PREX1: variants seen among roughly 807,000 people sequenced by gnomAD.
The protein encoded by PREX1 is phosphatidylinositol-3,4,5-trisphosphate dependent Rac exchange factor 1.
PREX1 carries 41 observed loss-of-function variants against 198.3 expected under a neutral mutation model. That is an observed-to-expected ratio of 0.21 (90% CI 0.16 to 0.27). PREX1 has a LOEUF of 0.27. PREX1 is among the 10% of genes least tolerant of loss of function. The pLI, the probability that PREX1 is intolerant of heterozygous loss-of-function variation, is 1.00. For synonymous variants in PREX1, 843 were observed against 887.2 expected (o/e 0.95, Z 0.89); for missense variants, 1,620 against 2,200.7 (o/e 0.74, Z 5.28).
intron 1 of PREX1, among the ~76,000 whole-genome samples, chr20:48,775,916 G>C (rs2090259153): frequency 6.6e-6 from 1 of 152,172 alleles, no homozygotes; most frequent in African/African-American, 2.4e-5. Context: ...GACTAATACA[G>C]GCGGTTTTGG....
rs2089475277 is a variant in PREX1 at position 48,649,414 on chromosome 20, A to G, written c.3191T>C (p.Leu1064Pro). 2 of 1,614,032 alleles carry G rather than the reference A, an allele frequency of 1.2e-6. No homozygotes were observed. Among genetic ancestry groups the G allele is most frequent in the Admixed American group, 1.7e-5 (1 of 60,006 alleles). The change falls in exon 25 of 40, where the codon CTC (leucine) becomes CCC (proline). Residue 1064 changes from leucine (L) to proline (P), a missense_variant. Coordinates refer to ENST00000371941, the MANE Select transcript of PREX1 (RefSeq NM_020820.4). ...GTCCTCCTGCTTGAGTAGGAAGCTG[A>G]GGCCCCGGTCTTCCTGACCAAGGGT... is the stretch of plus-strand genomic sequence containing the variant. Reference protein sequence around the residue: ...SGTLGQEDRGLSFLLKQEDRE... With the variant: ...SGTLGQEDRGPSFLLKQEDRE...
the PREX1 span, among the ~76,000 whole-genome samples, chr20:48,874,306 G>T: frequency 9.9e-5 from 15 of 151,960 alleles, no homozygotes; most frequent in African/African-American, 2.9e-4. Flanking sequence ...ACAAGAGGTT[G>T]CACCACAAAA....
At position 48,659,941 on chromosome 20, in the gene PREX1, T is replaced by G. The variant is rs1207787188; in HGVS notation, c.1859A>C (p.Asn620Thr). 1 of 1,614,210 alleles carries G rather than the reference T, an allele frequency of 6.2e-7. No homozygotes were observed. Reference protein sequence around the residue: ...QLRNDFKLVENILAKRLLILP... With the variant: ...QLRNDFKLVETILAKRLLILP... ...TACCAGCAGGCGCTTGGCCAGAATG[T>G]TCTCCACCAGCTTGAAGTCGTTGCG... Residue 620 changes from asparagine to threonine, a missense_variant, in exon 16 of 40, where the codon AAC becomes ACC. Transcript: ENST00000371941.
At chr20:48,670,162 G>A (rs1295766151) in intron 14 of PREX1, among the ~76,000 whole-genome samples, 1 of 152,134 alleles carries the variant, frequency 6.6e-6, no homozygotes, top group Non-Finnish European at 1.5e-5. Context: ...CCATGGAGAG[G>A]GGAAGTGAGG....
Position 48,628,015 on chromosome 20 carries a change from G to T in PREX1, c.4767-52C>A. The T allele has an allele frequency of 2.8e-6, 3 of 1,073,132 alleles. No individual in the cohort carries two copies. In the South Asian group the frequency reaches 4.1e-5, roughly 15 times the overall value. The allele number at this position is 1,073,132 out of a possible 1,614,324, so 66.5% of individuals were successfully genotyped here. On this transcript the variant is annotated intron_variant, in intron 37 of 39. Coordinates refer to ENST00000371941, the MANE Select transcript of PREX1 (RefSeq NM_020820.4). ...GTTGGCGGTGGGGGGACAGGGGTCG[G>T]GGGAGGACAGCGGGAGTCAGAGGAC...
chr20:48,646,135 C>CTGCAGG, intron 25 of PREX1, 78 bp from the exon 26 acceptor site: 1 of 1,462,002 alleles, frequency 6.8e-7, no homozygotes, highest in Non-Finnish European at 9.4e-7. Context: ...CCACCAGCAG[C>CTGCAGG]TGCAGGTGTG....
In PREX1 at chr20:48,636,514, C is replaced by T. The variant is rs1225123326; in HGVS notation, c.4116G>A (p.Ala1372=). ...GGCAGTGCAGCAGGACGCCCGTGGC[C>T]GCCACCTGCTCCAGCCACTTGCGGC... is the stretch of plus-strand genomic sequence containing the variant. ...DASRKWLEQV[A]ATGVLLHCQS... Residue 1372 remains alanine, a synonymous_variant, in exon 32 of 40, where the codon GCG becomes GCA. Transcript: ENST00000371941. The T allele has an allele frequency of 1.9e-6, 3 of 1,610,270 alleles. No homozygotes were observed. The highest frequency in any genetic ancestry group is 3.3e-5 in the Admixed American group (2 of 59,964).
intron 39 of PREX1, 89 bp from the exon 40 acceptor site, chr20:48,626,016 C>T: frequency 4.4e-6 from 6 of 1,354,704 alleles, no homozygotes; most frequent in Non-Finnish European, 5.9e-6. Flanking sequence ...ACATGTAATT[C>T]ATGCCCAGAA....
chr20:48,669,763 C>T (rs1439923632), intron 14 of PREX1, among the ~76,000 whole-genome samples: 1 of 152,210 alleles, frequency 6.6e-6, no homozygotes, highest in Non-Finnish European at 1.5e-5. Flanking sequence ...GCCTGGCACA[C>T]AGGCAGCATT....
At chr20:48,719,245 G>A (rs1271623447) in intron 5 of PREX1, among the ~76,000 whole-genome samples, 1 of 152,188 alleles carries the variant, frequency 6.6e-6, no homozygotes, top group Admixed American at 6.5e-5. Context: ...GATCTAGGAA[G>A]GCTCCTTCGA....
intron 1 of PREX1, among the ~76,000 whole-genome samples, chr20:48,779,521 G>A (rs911302724): frequency 2.6e-5 from 4 of 152,220 alleles, no homozygotes; most frequent in African/African-American, 4.8e-5. Context: ...CTAGAGAAAT[G>A]AAAACTTATG....
intron 32 of PREX1, 46 bp from the exon 33 acceptor site, chr20:48,634,821 C>G: frequency 1.3e-6 from 2 of 1,527,396 alleles, no homozygotes; most frequent in Non-Finnish European, 1.8e-6. Context: ...GCCAACCCTG[C>G]CCCAGGGTTT....
intron 4 of PREX1, among the ~76,000 whole-genome samples, chr20:48,727,041 C>T (rs1452454647): frequency 6.6e-6 from 1 of 152,200 alleles, no homozygotes; most frequent in Non-Finnish European, 1.5e-5. Flanking sequence ...CTTTTAAAGA[C>T]ATGGCACATA....
the PREX1 span, among the ~76,000 whole-genome samples, chr20:48,881,432 CTTAT>C: frequency 6.6e-6 from 1 of 151,316 alleles, no homozygotes. Context: ...ATCTACTGTC[CTTAT>C]TTATTAACTT....
chr20:48,629,082 C>T (rs957375933), intron 37 of PREX1, among the ~76,000 whole-genome samples: 7 of 152,138 alleles, frequency 4.6e-5, no homozygotes, highest in African/African-American at 1.4e-4. Context: ...GGGATGAGCA[C>T]TGGGGACAAA....
chr20:48,635,239 TGACACTAAAACATCCTCCA>T (rs980845869), intron 32 of PREX1, among the ~76,000 whole-genome samples: 8 of 151,880 alleles, frequency 5.3e-5, no homozygotes, highest in Admixed American at 3.3e-4. Flanking sequence ...TCTGATGGGG[TGACACTAAAACATCCTCCA>T]GACCCACCCA....
At chr20:48,721,038 C>T (rs1237143643) in intron 5 of PREX1, among the ~76,000 whole-genome samples, 4 of 152,216 alleles carry the variant, frequency 2.6e-5, no homozygotes, top group Non-Finnish European at 5.9e-5. Context: ...TTGGGGCCCA[C>T]AGTGTTTAAC....
At chr20:48,767,479 G>A (rs139458907) in intron 1 of PREX1, among the ~76,000 whole-genome samples, 13 of 152,236 alleles carry the variant, frequency 8.5e-5, no homozygotes, top group South Asian at 4.2e-4. Context: ...ACCTGTCAGC[G>A]GGGGAGGGTA....
At chr20:48,828,831 T>C (rs960204997), upstream of PREX1, among the ~76,000 whole-genome samples, 18 of 152,286 alleles carry the variant, frequency 1.2e-4, no homozygotes, top group Admixed American at 8.5e-4. Flanking sequence ...ACCCACCCCA[T>C]GGGATAAGGC....
Sources: gnomAD v4.1 joint callset for allele counts (sites outside exome capture counted in the v4.1 genomes callset) on GRCh38, gnomAD v4.1.1 for gene constraint, MANE v1.5 for transcripts, NCBI Gene and HGNC (gene_info 2026-07-23, HGNC 2026-07-21) for gene names.